The following RCAN2 variants were observed in gnomAD, a reference collection of about 807,000 sequenced individuals.
RCAN2 encodes the protein regulator of calcineurin 2.
RCAN2 carries 9 observed loss-of-function variants against 23.6 expected under a neutral mutation model. The ratio of observed to expected loss-of-function variants is 0.38; its 90% CI spans 0.23 to 0.67. The LOEUF (loss-of-function observed/expected upper bound fraction) is 0.67. Ranked by LOEUF, RCAN2 falls within the 30% of genes least tolerant of loss-of-function variation. The pLI is 0.51. For missense variants in RCAN2, 273 were observed against 302.3 expected (o/e 0.90, Z 0.72); for synonymous variants, 109 against 115.7 (o/e 0.94, Z 0.37).
At chr6:46,330,525 AG>A (rs1473892961) in intron 2 of RCAN2, among the ~76,000 whole-genome samples, 1 of 152,226 alleles carries the variant, frequency 6.6e-6, no homozygotes, top group Non-Finnish European at 1.5e-5. Context: ...CAATTCGAAA[AG>A]CAAGAATATT....
chr6:46,405,632 G>A (rs1236825606), intron 2 of RCAN2, among the ~76,000 whole-genome samples: 3 of 152,188 alleles, frequency 2.0e-5, no homozygotes, highest in African/African-American at 4.8e-5. Context: ...GCTGATTGGT[G>A]TATTTACAAT....
chr6:46,299,813 A>T (rs934424863), intron 2 of RCAN2, among the ~76,000 whole-genome samples: 1 of 152,038 alleles, frequency 6.6e-6, no homozygotes, highest in African/African-American at 2.4e-5. Flanking sequence ...AATGGAATAC[A>T]ATATTGAACA....
At chr6:46,312,333 G>T (rs1763291642) in intron 2 of RCAN2, among the ~76,000 whole-genome samples, 1 of 152,134 alleles carries the variant, frequency 6.6e-6, no homozygotes, top group African/African-American at 2.4e-5. Context: ...CTCTCAGGAG[G>T]TGCCTAGAAT....
intron 2 of RCAN2, among the ~76,000 whole-genome samples, chr6:46,406,835 A>G (rs546618817): frequency 6.6e-6 from 1 of 152,322 alleles, no homozygotes; most frequent in Non-Finnish European, 1.5e-5. Context: ...TCATTTCTTT[A>G]TGTTACAAAA....
chr6:46,277,011 G>A (rs1164732022), intron 2 of RCAN2, among the ~76,000 whole-genome samples: 1 of 152,234 alleles, frequency 6.6e-6, no homozygotes, highest in East Asian at 1.9e-4. Context: ...TGTGGAAATG[G>A]AAGACAAATG....
intron 2 of RCAN2, among the ~76,000 whole-genome samples, chr6:46,454,982 A>G (rs1477937453): frequency 2.0e-5 from 3 of 152,216 alleles, no homozygotes; most frequent in African/African-American, 7.2e-5. Context: ...GAAGTATTTA[A>G]TCAGGAAAGA....
chr6:46,482,714 G>C (rs1019713586), intron 1 of RCAN2, among the ~76,000 whole-genome samples: 1 of 152,038 alleles, frequency 6.6e-6, no homozygotes, highest in Non-Finnish European at 1.5e-5. Flanking sequence ...ATCACACCTT[G>C]GCTTGAACTG....
chr6:46,275,373 C>T (rs1024152391), intron 2 of RCAN2, among the ~76,000 whole-genome samples: 9 of 152,154 alleles, frequency 5.9e-5, no homozygotes, highest in African/African-American at 2.2e-4. Flanking sequence ...AGCCAATTGC[C>T]TTTGAAGTCT....
chr6:46,422,270 G>A (rs1329152201), intron 2 of RCAN2, among the ~76,000 whole-genome samples: 5 of 152,132 alleles, frequency 3.3e-5, no homozygotes, highest in Admixed American at 6.5e-5. Flanking sequence ...CTCCTTTCTA[G>A]CCTTGTGATC....
At chr6:46,366,107 TA>T (rs1484323290) in intron 2 of RCAN2, among the ~76,000 whole-genome samples, 1 of 152,220 alleles carries the variant, frequency 6.6e-6, no homozygotes, top group Non-Finnish European at 1.5e-5. Context: ...GGATTGTAAC[TA>T]CTATTTCCTA....
At chr6:46,434,323 G>A (rs1767303988) in intron 2 of RCAN2, among the ~76,000 whole-genome samples, 1 of 152,332 alleles carries the variant, frequency 6.6e-6, no homozygotes, top group South Asian at 2.1e-4. Flanking sequence ...TCCTGAGAGT[G>A]GGTGCAGTAA....
At chr6:46,286,828 C>A (rs1321730580) in intron 2 of RCAN2, among the ~76,000 whole-genome samples, 1 of 151,948 alleles carries the variant, frequency 6.6e-6, no homozygotes, top group Non-Finnish European at 1.5e-5. Flanking sequence ...CATGGAAAAA[C>A]CCCATCTCTA....
intron 1 of RCAN2, among the ~76,000 whole-genome samples, chr6:46,477,669 A>G (rs774868907): frequency 6.6e-6 from 1 of 152,214 alleles, no homozygotes; most frequent in Non-Finnish European, 1.5e-5. Context: ...ATACACTCAG[A>G]GTTGTAACAA....
At chr6:46,223,971 C>A (rs1765565514) in intron 4 of RCAN2, among the ~76,000 whole-genome samples, 1 of 152,212 alleles carries the variant, frequency 6.6e-6, no homozygotes, top group African/African-American at 2.4e-5. Context: ...TGGTCTATTG[C>A]TGTTCATAAA....
intron 2 of RCAN2, among the ~76,000 whole-genome samples, chr6:46,400,596 A>G (rs1182288301): frequency 6.6e-6 from 1 of 152,208 alleles, no homozygotes; most frequent in Non-Finnish European, 1.5e-5. Flanking sequence ...GCAGGCCACA[A>G]TGTGATCAGT....
At chr6:46,427,545 A>G (rs947220634) in intron 2 of RCAN2, among the ~76,000 whole-genome samples, 2 of 152,240 alleles carry the variant, frequency 1.3e-5, no homozygotes, top group Admixed American at 1.3e-4. Flanking sequence ...ATTGTTTCTC[A>G]AGGGCTTGGG....
intron 1 of RCAN2, among the ~76,000 whole-genome samples, chr6:46,461,590 T>C (rs916545909): frequency 2.0e-5 from 3 of 151,784 alleles, no homozygotes; most frequent in African/African-American, 7.2e-5. Flanking sequence ...TTTTCTTTTT[T>C]TTTTTTTCTT....
intron 2 of RCAN2, among the ~76,000 whole-genome samples, chr6:46,370,867 G>T (rs1765303648): frequency 6.6e-6 from 1 of 152,204 alleles, no homozygotes; most frequent in Non-Finnish European, 1.5e-5. Context: ...CTTCCCCAGG[G>T]CACCACTAGA....
chr6:46,286,969 T>A (rs1362281030), intron 2 of RCAN2, among the ~76,000 whole-genome samples: 3 of 151,888 alleles, frequency 2.0e-5, no homozygotes, highest in African/African-American at 7.3e-5. Flanking sequence ...CGCGCCGTTG[T>A]ACTCTAGCCT....
Sources: allele counts gnomAD v4.1 joint callset (sites outside exome capture counted in the v4.1 genomes callset), GRCh38; gene constraint gnomAD v4.1.1; transcripts MANE v1.5; gene names NCBI Gene and HGNC (gene_info 2026-07-23, HGNC 2026-07-21).